Variants in AGBL4 observed in about 807,000 individuals in gnomAD.
AGBL4 encodes the protein cytosolic carboxypeptidase 6.
In AGBL4, 58 loss-of-function variants were observed where a neutral mutation model predicts 66.4. That is an observed-to-expected ratio of 0.87 (90% CI 0.71 to 1.09). The LOEUF is 1.09. AGBL4 is among the 50% of genes least tolerant of loss of function. AGBL4 has a pLI of 0.00. For missense variants in AGBL4, 579 were observed against 631.0 expected (o/e 0.92, Z 0.88); for synonymous variants, 234 against 222.9 (o/e 1.05, Z -0.44).
chr1:49,413,449 T>C lies in AGBL4; in HGVS notation c.283-167585A>G, dbSNP rs186028182. Among the ~76,000 whole-genome samples, 247 of 152,282 alleles carry C rather than the reference T, an allele frequency of 1.6e-3. 2 individuals are homozygous for C. The highest frequency in any genetic ancestry group is 5.7e-3 in the African/African-American group (236 of 41,550). ...CAGAAAGCAGTTTGAAAGAATTGTA[T>C]ATAAATATGAATGAGGAAGTTCCCT... On this transcript the variant is annotated intron_variant, in intron 3 of 13. Transcript: ENST00000371839.
chr1:49,540,307 G>T (rs1457053552), intron 3 of AGBL4, among the ~76,000 whole-genome samples: 1 of 151,872 alleles, frequency 6.6e-6, no homozygotes, highest in Non-Finnish European at 1.5e-5. Flanking sequence ...CCTCTGTCTA[G>T]ATTGTCTTTT....
chr1:49,955,640 G>A (rs1216264611), intron 1 of AGBL4, among the ~76,000 whole-genome samples: 1 of 151,882 alleles, frequency 6.6e-6, no homozygotes, highest in Non-Finnish European at 1.5e-5. Flanking sequence ...AATAAGTAGG[G>A]TAGAGCTCCA....
intron 3 of AGBL4, among the ~76,000 whole-genome samples, chr1:49,611,188 G>A (rs1201299599): frequency 2.0e-5 from 3 of 152,038 alleles, no homozygotes; most frequent in African/African-American, 7.2e-5. Flanking sequence ...TCTCCTCCTA[G>A]TGCCTCTCAT....
At chr1:49,279,952 T>C (rs1570317675) in intron 3 of AGBL4, among the ~76,000 whole-genome samples, 1 of 152,316 alleles carries the variant, frequency 6.6e-6, no homozygotes, top group Non-Finnish European at 1.5e-5. Flanking sequence ...AGCATAACTA[T>C]AATAGATTTC....
At chr1:49,784,297 A>G (rs933764060) in intron 2 of AGBL4, among the ~76,000 whole-genome samples, 5 of 152,162 alleles carry the variant, frequency 3.3e-5, no homozygotes, top group African/African-American at 1.2e-4. Flanking sequence ...TATCAATGGA[A>G]TAGAACTGAG....
intron 3 of AGBL4, among the ~76,000 whole-genome samples, chr1:49,384,755 T>C (rs1644700585): frequency 6.6e-6 from 1 of 152,134 alleles, no homozygotes; most frequent in South Asian, 2.1e-4. Flanking sequence ...AAAATAAGTG[T>C]TGACAAGAAT....
chr1:49,830,831 G>A (rs1571662421), intron 2 of AGBL4, among the ~76,000 whole-genome samples: 1 of 152,158 alleles, frequency 6.6e-6, no homozygotes, highest in South Asian at 2.1e-4. Flanking sequence ...CATATGGCTA[G>A]TCAGTTTTCC....
At chr1:49,785,045 T>C (rs187829069) in intron 2 of AGBL4, among the ~76,000 whole-genome samples, 4 of 152,156 alleles carry the variant, frequency 2.6e-5, no homozygotes, top group African/African-American at 9.6e-5. Flanking sequence ...CTGTAAAGTA[T>C]TCATCTGAAA....
intron 2 of AGBL4, among the ~76,000 whole-genome samples, chr1:49,808,044 A>G (rs1645014196): frequency 6.6e-6 from 1 of 152,240 alleles, no homozygotes; most frequent in Non-Finnish European, 1.5e-5. Context: ...AACCCAGTTT[A>G]CGGTACTTTG....
chr1:48,700,704 A>G (rs1388802812), intron 6 of AGBL4, among the ~76,000 whole-genome samples: 1 of 152,192 alleles, frequency 6.6e-6, no homozygotes, highest in Non-Finnish European at 1.5e-5. Flanking sequence ...GAAGGGAGCT[A>G]AGAAGTTTTG....
intron 5 of AGBL4, among the ~76,000 whole-genome samples, chr1:48,943,267 C>G (rs1042513323): frequency 6.6e-6 from 1 of 152,098 alleles, no homozygotes; most frequent in Non-Finnish European, 1.5e-5. Context: ...GGTGGGCAAA[C>G]AATAACCAAA....
At chr1:49,961,007 G>A (rs1657076858) in intron 1 of AGBL4, among the ~76,000 whole-genome samples, 1 of 152,056 alleles carries the variant, frequency 6.6e-6, no homozygotes, top group African/African-American at 2.4e-5. Flanking sequence ...AATTGAAAAT[G>A]TGTACTTGGA....
chr1:48,579,528 A>T (rs1644704659), intron 11 of AGBL4, among the ~76,000 whole-genome samples: 1 of 151,426 alleles, frequency 6.6e-6, no homozygotes, highest in Non-Finnish European at 1.5e-5. Context: ...GGCATGAGCC[A>T]CTGCGCCCAG....
chr1:49,434,338 A>G (rs866623365), intron 3 of AGBL4, among the ~76,000 whole-genome samples: 1 of 152,190 alleles, frequency 6.6e-6, no homozygotes, highest in African/African-American at 2.4e-5. Flanking sequence ...CAGAAATAAG[A>G]AAATCTGTCC....
At chr1:49,379,537 T>C (rs1391165998) in intron 3 of AGBL4, among the ~76,000 whole-genome samples, 1 of 152,164 alleles carries the variant, frequency 6.6e-6, no homozygotes, top group African/African-American at 2.4e-5. Context: ...GCTCTTATTA[T>C]TTTGAGATAT....
Position 49,509,610 on chromosome 1 carries a change from T to C in AGBL4, c.282+187703A>G, listed in dbSNP as rs185317435. On this transcript the variant is annotated intron_variant, in intron 3 of 13. Transcript: ENST00000371839. ...TTTGCATTTTGAATTAAAAACCAAA[T>C]AGGGAGTCATTGGAGGTTTCTAAGC... 3.9e-5 allele frequency among the ~76,000 whole-genome samples: 6 copies of C among 151,960 alleles called. No individual in the cohort carries two copies. In the South Asian group the frequency reaches 6.2e-4, roughly 16 times the overall value.
chr1:49,113,175 C>G (rs1264245107), intron 4 of AGBL4, among the ~76,000 whole-genome samples: 1 of 151,924 alleles, frequency 6.6e-6, no homozygotes, highest in African/African-American at 2.4e-5. Flanking sequence ...TGGTCTTGAT[C>G]TCCTGACCTC....
At chr1:49,838,995 T>C (rs1294047059) in intron 2 of AGBL4, among the ~76,000 whole-genome samples, 1 of 152,342 alleles carries the variant, frequency 6.6e-6, no homozygotes, top group East Asian at 1.9e-4. Flanking sequence ...TGAAGAGGCA[T>C]GCAAACAGGT....
chr1:49,398,710 A>G (rs1168178024), intron 3 of AGBL4, among the ~76,000 whole-genome samples: 1 of 151,856 alleles, frequency 6.6e-6, no homozygotes, highest in Non-Finnish European at 1.5e-5. Context: ...TCTTTTTTTA[A>G]TTTTTGTGTG....
Sources: allele counts gnomAD v4.1 joint callset (sites outside exome capture counted in the v4.1 genomes callset), GRCh38; gene constraint gnomAD v4.1.1; transcripts MANE v1.5; gene names NCBI Gene and HGNC (gene_info 2026-07-23, HGNC 2026-07-21).